Variants in ATP5MF observed in about 807,000 individuals in gnomAD.
ATP5MF encodes the protein ATP synthase F(0) complex subunit f, mitochondrial.
In ATP5MF, 10 loss-of-function variants were observed where a neutral mutation model predicts 13.8. The observed-to-expected ratio is 0.72, with a 90% CI of 0.45 to 1.23. ATP5MF has a LOEUF of 1.23. Among genes scored for constraint, ATP5MF ranks in the 50% most tolerant of loss-of-function variants. The probability of loss-of-function intolerance (pLI) is 0.00; values close to 1 mark genes in which losing one functional copy is unlikely to be tolerated. For synonymous variants in ATP5MF, 40 were observed against 45.8 expected, an observed-to-expected ratio of 0.87 and a Z score of 0.51; for missense variants, 122 against 118.2, an observed-to-expected ratio of 1.03 and a Z score of -0.15.
intron 1 of ATP5MF, among the ~76,000 whole-genome samples, chr7:99,465,308 G>A (rs1488932010): frequency 6.6e-6 from 1 of 151,928 alleles, no homozygotes; most frequent in African/African-American, 2.4e-5. Context: ...AGACACACAT[G>A]TGTTAATCAA....
intron 3 of ATP5MF, chr7:99,458,894 G>C (rs1274712776): frequency 4.4e-6 from 2 of 457,994 alleles, no homozygotes; most frequent in Non-Finnish European, 7.9e-6. Flanking sequence ...TTTAAAGAAT[G>C]CTTCTAAGTA....
chr7:99,461,727 C>T (rs1324263179), intron 1 of ATP5MF, among the ~76,000 whole-genome samples: 2 of 151,772 alleles, frequency 1.3e-5, no homozygotes, highest in Admixed American at 6.6e-5. Context: ...GGCATGATCT[C>T]GGCTCACTGC....
Position 99,459,190 on chromosome 7 carries a change from T to A in ATP5MF, c.213A>T (p.Ala71=). Reference sequence around the variant, plus strand: ...AGGAGTAGCTAAAGAGCACGTAGCATGCCAGCACCATGGTAATCCCCGAGA... The same window carrying A: ...AGGAGTAGCTAAAGAGCACGTAGCAAGCCAGCACCATGGTAATCCCCGAGA... ...GSISGITMVL[A]CYVLFSYSFS... The change falls in exon 3 of 4, where the codon GCA becomes GCT. Residue 71 remains alanine, a synonymous_variant. Coordinates refer to ENST00000292475, the MANE Select transcript of ATP5MF (RefSeq NM_004889.5). The A allele has an allele frequency of 6.2e-7, 1 of 1,614,188 alleles. No homozygotes were observed. The highest frequency in any genetic ancestry group is 8.5e-7 in the Non-Finnish European group (1 of 1,180,024).
In ATP5MF at chr7:99,459,166, G is replaced by C; in HGVS notation, c.237C>G (p.Ser79=). The change falls in exon 3 of 4, where the codon TCC becomes TCG. Residue 79 remains serine (S), a synonymous_variant. Coordinates refer to ENST00000292475, the MANE Select transcript of ATP5MF (RefSeq NM_004889.5). ...VLACYVLFSY[S]FSYKHLKHER... ...ACTCACTGAGATGCTTGTAGGAAAA[G>C]GAGTAGCTAAAGAGCACGTAGCATG... 1 of 1,613,770 alleles carries C rather than the reference G, an allele frequency of 6.2e-7. No individual in the cohort carries two copies. Among genetic ancestry groups the C allele is most frequent in the East Asian group, 2.2e-5 (1 of 44,880 alleles).
rs3528 is a variant in ATP5MF at position 99,458,317 on chromosome 7, T to C, written c.*10A>G. The C allele has an allele frequency of 0.052, 83,096 of 1,607,918 alleles. 3,991 individuals carry two copies. Among genetic ancestry groups the C allele is most frequent in the African/African-American group, 0.25 (18,834 of 74,802 alleles). ...GGTCGTGGGGTGGGGGGGTGCAGAG[T>C]GTGTCCTCTTCAGTGGTATTTGCGG... On this transcript the variant is annotated 3_prime_UTR_variant, in exon 4 of 4. Coordinates refer to ENST00000292475, the MANE Select transcript of ATP5MF (RefSeq NM_004889.5).
chr7:99,460,288 G>A (rs1798542406), intron 1 of ATP5MF, 95 bp from the exon 2 acceptor site: 4 of 1,340,148 alleles, frequency 3.0e-6, no homozygotes, highest in South Asian at 2.5e-5. Flanking sequence ...ATGCAATAAA[G>A]GTGCATAATG....
chr7:99,465,813 G>A (rs73399500), intron 1 of ATP5MF, among the ~76,000 whole-genome samples: 2,147 of 152,318 alleles, frequency 0.014, 57 homozygotes, highest in African/African-American at 0.05. Context: ...CAGCGGGAGA[G>A]GGAAGCGGCT....
Position 99,460,135 on chromosome 7 carries a change from G to A in ATP5MF, c.90C>T (p.Ile30=), listed in dbSNP as rs1224135083. ...EVKLGELPSW[I]LMRDFSPSGI... is the part of the protein sequence containing the mutation. The stretch of plus-strand genomic sequence containing the variant: ...CACTAGGACTGAAGTCCCGCATCAA[G>A]ATCCAGCTTGGCAGCTCCCCCAGTT... The change falls in exon 2 of 4, where the codon ATC becomes ATT. Residue 30 remains isoleucine (I), a synonymous_variant. Coordinates refer to ENST00000292475, the MANE Select transcript of ATP5MF (RefSeq NM_004889.5). The A allele has an allele frequency of 6.2e-7, 1 of 1,614,072 alleles. No homozygotes were observed. The highest frequency in any genetic ancestry group is 1.7e-5 in the Admixed American group (1 of 59,994).
At chr7:99,464,361 A>G (rs1798747754) in intron 1 of ATP5MF, among the ~76,000 whole-genome samples, 1 of 152,214 alleles carries the variant, frequency 6.6e-6, no homozygotes, top group Admixed American at 6.5e-5. Context: ...CTAGGCTGAG[A>G]TTAAGAATAC....
In ATP5MF at chr7:99,460,184, T is replaced by A. The variant is rs1729781909; in HGVS notation, c.41A>T (p.Lys14Met). Residue 14 changes from lysine (K) to methionine (M), a missense_variant, in exon 2 of 4, where the codon AAG becomes ATG. Coordinates refer to ENST00000292475, the MANE Select transcript of ATP5MF (RefSeq NM_004889.5). ...VGECPAPVPV[K>M]DKKLLEVKLG... Reference sequence around the variant, plus strand: ...TTTGACCTCCAGAAGTTTCTTGTCCTTCACTGGTACTGAAACGGAAGAGTG... The same window carrying A: ...TTTGACCTCCAGAAGTTTCTTGTCCATCACTGGTACTGAAACGGAAGAGTG... 3 of 1,614,062 alleles carry A rather than the reference T, an allele frequency of 1.9e-6. No individual in the cohort carries two copies. Among genetic ancestry groups the A allele is most frequent in the African/African-American group, 2.7e-5 (2 of 74,930 alleles).
intron 1 of ATP5MF, among the ~76,000 whole-genome samples, chr7:99,463,964 C>G (rs1584535212): frequency 6.6e-6 from 1 of 152,260 alleles, no homozygotes; most frequent in East Asian, 1.9e-4. Context: ...TCTTTGTCCT[C>G]TGGTGACAGA....
At chr7:99,465,697 G>A (rs1452062919) in intron 1 of ATP5MF, among the ~76,000 whole-genome samples, 1 of 152,146 alleles carries the variant, frequency 6.6e-6, no homozygotes, top group Non-Finnish European at 1.5e-5. Flanking sequence ...ATGGTATCAG[G>A]TACAGTCCTA....
chr7:99,465,799 G>C (rs889883574), intron 1 of ATP5MF, among the ~76,000 whole-genome samples: 2 of 152,220 alleles, frequency 1.3e-5, no homozygotes, highest in African/African-American at 4.8e-5. Flanking sequence ...AAGCAACTGG[G>C]TCGCAGCGGG....
At chr7:99,465,837 A>G (rs1335457017) in intron 1 of ATP5MF, among the ~76,000 whole-genome samples, 1 of 152,214 alleles carries the variant, frequency 6.6e-6, no homozygotes, top group Non-Finnish European at 1.5e-5. Flanking sequence ...TCTTAGCGGA[A>G]AGAGGAACAG....
Position 99,460,307 on chromosome 7 carries a change from C to A in ATP5MF, c.32-114G>T. 5.3e-6 allele frequency: 6 copies of A among 1,140,866 alleles called. No homozygotes were observed. The Middle Eastern group carries it at 6.0e-4, about 113-fold the overall frequency. 70.7% of individuals were successfully genotyped at this position (1,140,866 alleles called of 1,614,324 possible). A position where few individuals can be genotyped will look rare whatever the true frequency, so the allele number is the denominator to read the frequency against. Reference sequence around the variant, plus strand: ...AATAAAGGTGCATAATGCAATTACACAGAGGCTGCACATACACAATATTAT... The same window carrying A: ...AATAAAGGTGCATAATGCAATTACAAAGAGGCTGCACATACACAATATTAT... On this transcript the variant is annotated intron_variant, in intron 1 of 3. Coordinates refer to ENST00000292475, the MANE Select transcript of ATP5MF (RefSeq NM_004889.5).
In ATP5MF at chr7:99,458,324, T is replaced by C. The variant is rs1135257; in HGVS notation, c.*3A>G. 6.8e-6 allele frequency: 11 copies of C among 1,610,034 alleles called. No homozygotes were observed. Among genetic ancestry groups the C allele is most frequent in the South Asian group, 2.2e-5 (2 of 89,728 alleles). On this transcript the variant is annotated 3_prime_UTR_variant, in exon 4 of 4. Transcript: ENST00000292475. ...GGGTGGGGGGGTGCAGAGTGTGTCC[T>C]CTTCAGTGGTATTTGCGGAGCCGCT...
In ATP5MF at chr7:99,459,244, G is replaced by C. The variant is rs370257255; in HGVS notation, c.159C>G (p.Asn53Lys). 3.1e-6 allele frequency: 5 copies of C among 1,613,950 alleles called. No individual in the cohort carries two copies. The highest frequency in any genetic ancestry group is 4.2e-6 in the Non-Finnish European group (5 of 1,179,824). ...TCCCCTTCTTCACATTGATGTACTT[G>C]TTGTAGTACCGGTAGTAACCTGCAA... ...AFQRGYYRYY[N>K]KYINVKKGSI... Residue 53 changes from asparagine (N) to lysine (K), a missense_variant, in exon 3 of 4, where the codon AAC becomes AAG. Asn to Lys is a moderately conservative substitution (Grantham distance 94, BLOSUM62 0). Transcript: ENST00000292475.
intron 1 of ATP5MF, among the ~76,000 whole-genome samples, chr7:99,461,609 C>T (rs1040364395): frequency 1.3e-5 from 2 of 151,516 alleles, no homozygotes; most frequent in Non-Finnish European, 2.9e-5. Context: ...TTTGGGAGGT[C>T]GAGGCAGGCA....
chr7:99,460,423 A>G (rs533020669), intron 1 of ATP5MF: 3 of 698,350 alleles, frequency 4.3e-6, no homozygotes, highest in Non-Finnish European at 7.8e-6. Context: ...AACCAACAGG[A>G]CGTCTGAGTA....
Sources: gnomAD v4.1 joint callset for allele counts (sites outside exome capture counted in the v4.1 genomes callset) on GRCh38, gnomAD v4.1.1 for gene constraint, MANE v1.5 for transcripts, NCBI Gene and HGNC (gene_info 2026-07-23, HGNC 2026-07-21) for gene names.